The following CLIC5 variants were observed in gnomAD, a reference collection of about 807,000 sequenced individuals.
The protein encoded by CLIC5 is CLIC family member 5.
CLIC5 carries 20 observed loss-of-function variants against 24.7 expected under a neutral mutation model. That is an observed-to-expected ratio of 0.81 (90% CI 0.57 to 1.18). The LOEUF (loss-of-function observed/expected upper bound fraction) is 1.18, where lower values mean the gene tolerates loss of function less well. CLIC5 is among the 50% of genes most tolerant of loss of function. The probability of loss-of-function intolerance (pLI) is 0.00; values close to 1 mark genes in which losing one functional copy is unlikely to be tolerated. For synonymous variants in CLIC5, 159 were observed against 135.6 expected, an observed-to-expected ratio of 1.17 and a Z score of -1.20; for missense variants, 341 against 326.1, an observed-to-expected ratio of 1.05 and a Z score of -0.35.
chr6:45,956,470 GT>G (rs35101536), intron 1 of CLIC5, among the ~76,000 whole-genome samples: 68,476 of 135,326 alleles, frequency 0.51, 16,339 homozygotes, highest in Middle Eastern at 0.55. Context: ...GGCTTACTGA[GT>G]TTTTTTTTTT....
chr6:45,918,142 T>C (rs1472510649), intron 4 of CLIC5, among the ~76,000 whole-genome samples: 1 of 152,214 alleles, frequency 6.6e-6, no homozygotes, highest in Non-Finnish European at 1.5e-5. Flanking sequence ...ACAAGGGGAA[T>C]AGTTCATAAA....
chr6:45,983,102 T>C (rs1765619600), intron 1 of CLIC5, among the ~76,000 whole-genome samples: 1 of 152,174 alleles, frequency 6.6e-6, no homozygotes, highest in Admixed American at 6.6e-5. Context: ...TGGGCTTCCT[T>C]GTAACGTACA....
intron 1 of CLIC5, among the ~76,000 whole-genome samples, chr6:46,061,181 T>TTTTGTTTGTTTGTTTG (rs70996361): frequency 8.0e-4 from 121 of 152,032 alleles, no homozygotes; most frequent in African/African-American, 2.8e-3. Flanking sequence ...TTGTTTTTGT[T>TTTTGTTTGTTTGTTTG]TTTGTTTGTT....
At chr6:45,951,113 T>C (rs1052336409) in intron 2 of CLIC5, among the ~76,000 whole-genome samples, 3 of 152,188 alleles carry the variant, frequency 2.0e-5, no homozygotes, top group African/African-American at 7.2e-5. Flanking sequence ...AGGTAACACA[T>C]ACATATATAT....
chr6:45,892,048 A>G (rs950867468), intron 6 of CLIC5: 4 of 152,112 alleles, frequency 2.6e-5, no homozygotes, highest in African/African-American at 9.7e-5. Flanking sequence ...CTGGAGATCA[A>G]CTCACAACAT....
In CLIC5 at chr6:45,888,218, A is replaced by G. The variant is rs536618367; in HGVS notation, c.624-7030T>C. Among the ~76,000 whole-genome samples the G allele has an allele frequency of 8.5e-5, 13 of 152,308 alleles. No homozygotes were observed. The South Asian group carries it at 1.0e-3, about 12-fold the overall frequency. On this transcript the variant is annotated intron_variant, in intron 6 of 6. Coordinates refer to the CLIC5 transcript ENST00000644324. ...GTATTTAAATTTCACACATGAGCCA[A>G]ATGAGTGGGGTACTATAAACCAAGG...
At chr6:46,005,608 C>T (rs1269063964) in intron 1 of CLIC5, among the ~76,000 whole-genome samples, 1 of 152,128 alleles carries the variant, frequency 6.6e-6, no homozygotes, top group Admixed American at 6.5e-5. Flanking sequence ...ATGATCTGAT[C>T]TGCTAGATCT....
At chr6:46,121,574 C>T in the CLIC5 span, among the ~76,000 whole-genome samples, 1 of 152,178 alleles carries the variant, frequency 6.6e-6, no homozygotes, top group Admixed American at 6.5e-5. Flanking sequence ...CAAATTCACA[C>T]ATAACAATAT....
chr6:46,113,424 C>A, the CLIC5 span, among the ~76,000 whole-genome samples: 7 of 152,044 alleles, frequency 4.6e-5, no homozygotes, highest in African/African-American at 1.7e-4. Context: ...AGTTGTGGGG[C>A]AGCTTTGCAA....
intron 6 of CLIC5, among the ~76,000 whole-genome samples, chr6:45,890,815 G>A (rs1352705373): frequency 1.3e-5 from 2 of 152,126 alleles, no homozygotes; most frequent in African/African-American, 2.4e-5. Context: ...AGTGAAATAA[G>A]CCAGGCACAG....
chr6:45,968,770 A>C (rs1350272765), intron 1 of CLIC5, among the ~76,000 whole-genome samples: 1 of 152,210 alleles, frequency 6.6e-6, no homozygotes, highest in African/African-American at 2.4e-5. Flanking sequence ...ATCTTCCTAT[A>C]CTTGTGCAGT....
At chr6:45,998,492 G>C (rs1284524949) in intron 1 of CLIC5, among the ~76,000 whole-genome samples, 1 of 152,154 alleles carries the variant, frequency 6.6e-6, no homozygotes, top group Non-Finnish European at 1.5e-5. Flanking sequence ...CTGAGGACTC[G>C]AGTCCGCAAC....
At chr6:45,939,161 C>A (rs1217142586) in intron 4 of CLIC5, among the ~76,000 whole-genome samples, 2 of 151,440 alleles carry the variant, frequency 1.3e-5, no homozygotes, top group African/African-American at 4.9e-5. Context: ...ACCCCAGTCT[C>A]TGACTGTCTT....
At chr6:46,126,079 C>T in the CLIC5 span, among the ~76,000 whole-genome samples, 1 of 152,124 alleles carries the variant, frequency 6.6e-6, no homozygotes, top group Non-Finnish European at 1.5e-5. Context: ...TTAAAAATCC[C>T]ATGTCCCAGG....
intron 1 of CLIC5, among the ~76,000 whole-genome samples, chr6:45,956,215 A>G (rs1416902459): frequency 6.6e-6 from 1 of 152,208 alleles, no homozygotes; most frequent in African/African-American, 2.4e-5. Flanking sequence ...ATGAACAAAC[A>G]AAAAAGGTTG....
chr6:46,088,312 A>G, the CLIC5 span, among the ~76,000 whole-genome samples: 9 of 152,200 alleles, frequency 5.9e-5, no homozygotes, highest in African/African-American at 1.9e-4. Context: ...TGACTCCTAT[A>G]ATTTCACTGG....
At chr6:46,012,523 A>C (rs937027582) in intron 1 of CLIC5, among the ~76,000 whole-genome samples, 2 of 152,268 alleles carry the variant, frequency 1.3e-5, no homozygotes, top group Non-Finnish European at 2.9e-5. Flanking sequence ...GCATTCTATG[A>C]ACACATTAGA....
chr6:45,890,324 C>G (rs749028282), intron 6 of CLIC5, among the ~76,000 whole-genome samples: 2 of 151,732 alleles, frequency 1.3e-5, no homozygotes, highest in Non-Finnish European at 3.0e-5. Context: ...TGCTCAACAT[C>G]TATAATTATC....
At chr6:45,997,171 G>T (rs1766175279) in intron 1 of CLIC5, among the ~76,000 whole-genome samples, 1 of 150,982 alleles carries the variant, frequency 6.6e-6, no homozygotes, top group Admixed American at 6.6e-5. Context: ...ATACTATGCA[G>T]CCATAAAAAA....
Sources: allele counts gnomAD v4.1 joint callset (sites outside exome capture counted in the v4.1 genomes callset), GRCh38; gene constraint gnomAD v4.1.1; transcripts MANE v1.5; gene names NCBI Gene and HGNC (gene_info 2026-07-23, HGNC 2026-07-21).